CDH4: variants seen among roughly 807,000 people sequenced by gnomAD.
CDH4 encodes the protein cadherin 4.
Under a neutral mutation model 86.0 loss-of-function variants are expected in CDH4, and 33 were observed. The observed-to-expected ratio is 0.38, with a 90% CI of 0.29 to 0.51. The LOEUF (loss-of-function observed/expected upper bound fraction) is 0.51, where lower values mean the gene tolerates loss of function less well. Among genes scored for constraint, CDH4 ranks in the 20% least tolerant of loss-of-function variants. The pLI is 0.86. For missense variants in CDH4, 1,114 were observed against 1,307.4 expected, an observed-to-expected ratio of 0.85 and a Z score of 2.28; for synonymous variants, 555 against 549.4, an observed-to-expected ratio of 1.01 and a Z score of -0.14.
intron 3 of CDH4, among the ~76,000 whole-genome samples, chr20:61,757,920 C>T (rs1014023633): frequency 2.6e-5 from 4 of 152,184 alleles, no homozygotes; most frequent in East Asian, 1.9e-4. Context: ...ATCTGGAAGT[C>T]ACTGTCTTTG....
At chr20:61,753,414 A>G (rs1449602526) in intron 3 of CDH4, among the ~76,000 whole-genome samples, 3 of 152,214 alleles carry the variant, frequency 2.0e-5, no homozygotes, top group Admixed American at 1.3e-4. Context: ...TCTCTTAGCA[A>G]CTATTTAAAA....
At chr20:61,586,170 T>A (rs533297844) in intron 2 of CDH4, among the ~76,000 whole-genome samples, 5 of 151,590 alleles carry the variant, frequency 3.3e-5, no homozygotes, top group African/African-American at 1.2e-4. Flanking sequence ...GAAATGATGA[T>A]GATGTTTATA....
intron 2 of CDH4, among the ~76,000 whole-genome samples, chr20:61,511,126 C>G (rs75750986): frequency 1.5e-4 from 23 of 152,224 alleles, no homozygotes; most frequent in African/African-American, 5.5e-4. Flanking sequence ...ATGAGATTTG[C>G]TGGGGGCAAA....
chr20:61,314,117 T>A (rs993876530), intron 2 of CDH4, among the ~76,000 whole-genome samples: 1 of 152,258 alleles, frequency 6.6e-6, no homozygotes, highest in African/African-American at 2.4e-5. Context: ...TTACCTTTTG[T>A]GGTGAGAGGT....
chr20:61,851,400 T>C (rs1982719475), intron 5 of CDH4, among the ~76,000 whole-genome samples: 1 of 152,170 alleles, frequency 6.6e-6, no homozygotes. Flanking sequence ...TGGGTTTCCC[T>C]GGGGCAGGCG....
At chr20:61,832,621 G>A (rs188238969) in intron 4 of CDH4, among the ~76,000 whole-genome samples, 25 of 152,102 alleles carry the variant, frequency 1.6e-4, no homozygotes, top group African/African-American at 5.6e-4. Context: ...CAGGGGACAC[G>A]CCAGACACTT....
intron 2 of CDH4, among the ~76,000 whole-genome samples, chr20:61,257,909 G>C (rs115443721): frequency 1.3e-5 from 2 of 152,192 alleles, no homozygotes; most frequent in Non-Finnish European, 2.9e-5. Context: ...GAGGGCTCCC[G>C]GGTCGTATCT....
At chr20:61,873,264 C>T (rs1456848247) in intron 6 of CDH4, among the ~76,000 whole-genome samples, 2 of 152,224 alleles carry the variant, frequency 1.3e-5, no homozygotes, top group East Asian at 3.9e-4. Flanking sequence ...TATTATACAG[C>T]TTCTGTGTGT....
At chr20:61,916,748 C>T (rs1409607971) in intron 9 of CDH4, among the ~76,000 whole-genome samples, 2 of 152,228 alleles carry the variant, frequency 1.3e-5, no homozygotes, top group East Asian at 1.9e-4. Flanking sequence ...TTATAGTCTG[C>T]AGAGGGGATG....
intron 2 of CDH4, among the ~76,000 whole-genome samples, chr20:61,716,369 G>C (rs1439586087): frequency 0.015 from 2,151 of 145,346 alleles, 3 homozygotes; most frequent in African/African-American, 0.056. Context: ...TCGCCTGTGA[G>C]CCTCCTCTTG....
intron 2 of CDH4, among the ~76,000 whole-genome samples, chr20:61,411,124 A>G (rs1434831422): frequency 7.2e-6 from 1 of 139,800 alleles, no homozygotes; most frequent in Non-Finnish European, 1.5e-5. Flanking sequence ...CTTTCCTTCC[A>G]TCCATCCATC....
At chr20:61,823,407 G>C (rs951791291) in intron 4 of CDH4, among the ~76,000 whole-genome samples, 4 of 133,266 alleles carry the variant, frequency 3.0e-5, no homozygotes, top group African/African-American at 1.1e-4. Flanking sequence ...ATGTGATGAT[G>C]ATGAAGGTGA....
intron 2 of CDH4, among the ~76,000 whole-genome samples, chr20:61,376,656 C>G (rs1198597939): frequency 6.6e-6 from 1 of 152,186 alleles, no homozygotes; most frequent in Non-Finnish European, 1.5e-5. Flanking sequence ...TCCCCCATGG[C>G]ATATGGTTGG....
chr20:61,310,561 AG>A (rs997882658), intron 2 of CDH4, among the ~76,000 whole-genome samples: 5 of 152,178 alleles, frequency 3.3e-5, no homozygotes, highest in African/African-American at 1.2e-4. Context: ...GGCGGAGCTC[AG>A]GCGGCCATGC....
At chr20:61,677,557 C>T (rs1600864955) in intron 2 of CDH4, among the ~76,000 whole-genome samples, 1 of 151,852 alleles carries the variant, frequency 6.6e-6, no homozygotes. Flanking sequence ...TTTACTCATT[C>T]AGACTACCTC....
Position 61,544,131 on chromosome 20 carries a change from G to A in CDH4, c.170-199432G>A, listed in dbSNP as rs78918542. 0.015 allele frequency among the ~76,000 whole-genome samples: 2,316 copies of A among 152,310 alleles called. 67 individuals are homozygous for A. The highest frequency in any genetic ancestry group is 0.053 in the African/African-American group (2,216 of 41,574). ...CACCTGCCTCTTGGCACTACACTGT[G>A]TGGTCCGGTCCCACGGCCATGTGGT... is the stretch of plus-strand genomic sequence containing the variant. On this transcript the variant is annotated intron_variant, in intron 2 of 15. Coordinates refer to ENST00000614565, the MANE Select transcript of CDH4 (RefSeq NM_001794.5). This position sits in a 1 kb window ranked among gnomAD's most constrained non-coding sequence, Gnocchi z 6.5.
intron 7 of CDH4, among the ~76,000 whole-genome samples, chr20:61,886,127 G>T (rs1046702871): frequency 6.6e-6 from 1 of 152,222 alleles, no homozygotes; most frequent in Admixed American, 6.5e-5. Context: ...GCAGGTGGGG[G>T]AGGCGTGCTT....
Position 61,768,417 on chromosome 20 carries a change from G to T in CDH4, c.397-4586G>T, listed in dbSNP as rs151218911. 3.0e-3 allele frequency among the ~76,000 whole-genome samples: 460 copies of T among 152,202 alleles called. 2 individuals carry two copies. The highest frequency in any genetic ancestry group is 6.9e-3 in the Admixed American group (105 of 15,294). On this transcript the variant is annotated intron_variant, in intron 3 of 15. Coordinates refer to ENST00000614565, the MANE Select transcript of CDH4 (RefSeq NM_001794.5). ...GCATAGCGCCTGTATACACATGTGC[G>T]CATGTGTACTATCTAGTTTCTGGTA...
chr20:61,669,357 G>A (rs988545915), intron 2 of CDH4, among the ~76,000 whole-genome samples: 4 of 152,222 alleles, frequency 2.6e-5, no homozygotes, highest in African/African-American at 4.8e-5. Context: ...TCTGGTGACC[G>A]GCGGGATGGG....
Sources: allele counts gnomAD v4.1 joint callset (sites outside exome capture counted in the v4.1 genomes callset), GRCh38; gene constraint gnomAD v4.1.1; non-coding constraint Gnocchi (gnomAD v3.1); transcripts MANE v1.5; gene names NCBI Gene and HGNC (gene_info 2026-07-23, HGNC 2026-07-21).